The following DPM1 variants were observed in gnomAD, a reference collection of about 807,000 sequenced individuals.
DPM1 encodes the protein dolichol-phosphate mannosyltransferase subunit 1.
A neutral mutation model predicts 39.0 loss-of-function variants in DPM1; 27 were observed. The ratio of observed to expected loss-of-function variants is 0.69; its 90% CI spans 0.51 to 0.95. The LOEUF (loss-of-function observed/expected upper bound fraction) is 0.95. Among genes scored for constraint, DPM1 ranks in the 40% least tolerant of loss-of-function variants. The pLI is 0.00. For missense variants in DPM1, 307 were observed against 315.6 expected (o/e 0.97, Z 0.21); for synonymous variants, 124 against 109.0 (o/e 1.14, Z -0.86).
In DPM1 at chr20:50,942,129, G is replaced by A; in HGVS notation, c.399-3C>T. The A allele has an allele frequency of 6.2e-7, 1 of 1,612,286 alleles. No homozygotes were observed. The highest frequency in any genetic ancestry group is 8.5e-7 in the Non-Finnish European group (1 of 1,178,646). ...CAAAATTACCCTCCTTTTGCTTCCT[G>A]TAGAATAAATTAGCTGTCAATTAGA... On this transcript the variant is annotated splice_polypyrimidine_tract_variant and splice_region_variant and intron_variant, in intron 5 of 8. Coordinates refer to ENST00000371588, the MANE Select transcript of DPM1 (RefSeq NM_003859.3).
At chr20:50,954,383 G>T (rs889546421) in intron 2 of DPM1, among the ~76,000 whole-genome samples, 1 of 151,914 alleles carries the variant, frequency 6.6e-6, no homozygotes, top group Admixed American at 6.6e-5. Context: ...GTCCAGATGC[G>T]GTGCTGAACA....
intron 2 of DPM1, among the ~76,000 whole-genome samples, chr20:50,949,060 C>T (rs1271944522): frequency 2.6e-5 from 4 of 152,050 alleles, no homozygotes; most frequent in African/African-American, 4.8e-5. Context: ...AGGGTTCCAC[C>T]GTGTTAGCCA....
chr20:50,938,506 C>T (rs1001824279), intron 7 of DPM1, among the ~76,000 whole-genome samples: 1 of 151,516 alleles, frequency 6.6e-6, no homozygotes, highest in African/African-American at 2.4e-5. Context: ...CCTCACCCTC[C>T]CGAGTAGCTG....
At chr20:50,940,984 A>G in intron 6 of DPM1, 51 bp from the exon 7 acceptor site, 1 of 1,521,766 alleles carries the variant, frequency 6.6e-7, no homozygotes, top group Non-Finnish European at 9.1e-7. Context: ...TTTATAAACA[A>G]GAGAAACACA....
At chr20:50,943,517 G>A (rs1022922008) in intron 5 of DPM1, among the ~76,000 whole-genome samples, 1 of 151,524 alleles carries the variant, frequency 6.6e-6, no homozygotes, top group Admixed American at 6.6e-5. Flanking sequence ...GTGCCATCAT[G>A]CCCGGCTAAT....
At chr20:50,949,229 T>C (rs946829889) in intron 2 of DPM1, among the ~76,000 whole-genome samples, 4 of 152,212 alleles carry the variant, frequency 2.6e-5, no homozygotes, top group African/African-American at 9.7e-5. Flanking sequence ...TGTCACTCAC[T>C]CTATTTTAAA....
intron 1 of DPM1, 61 bp downstream of exon 1, chr20:50,958,302 A>G: frequency 1.3e-6 from 2 of 1,597,170 alleles, no homozygotes; most frequent in Non-Finnish European, 1.7e-6. Context: ...CCAGCTGCCG[A>G]CACCCGGGCC....
chr20:50,937,541 A>G (rs1213166686), intron 7 of DPM1, among the ~76,000 whole-genome samples: 1 of 152,064 alleles, frequency 6.6e-6, no homozygotes, highest in Non-Finnish European at 1.5e-5. Flanking sequence ...GGGAGGGAGC[A>G]CTGGGATTGT....
chr20:50,947,520 T>C (rs1568769047), intron 3 of DPM1, among the ~76,000 whole-genome samples: 1 of 152,386 alleles, frequency 6.6e-6, no homozygotes, highest in African/African-American at 2.4e-5. Flanking sequence ...CAGTTAAGCA[T>C]TGTGCTTTCT....
At chr20:50,939,101 A>C (rs1443830202) in intron 7 of DPM1, among the ~76,000 whole-genome samples, 1 of 152,168 alleles carries the variant, frequency 6.6e-6, no homozygotes, top group African/African-American at 2.4e-5. Flanking sequence ...CAGAACTCCC[A>C]GGCCATCCTT....
chr20:50,937,871 T>C (rs1009230551), intron 7 of DPM1, among the ~76,000 whole-genome samples: 1 of 152,112 alleles, frequency 6.6e-6, no homozygotes, highest in African/African-American at 2.4e-5. Flanking sequence ...AGACGGAGAC[T>C]CACTATGTTG....
At chr20:50,937,958 T>C (rs1026428200) in intron 7 of DPM1, among the ~76,000 whole-genome samples, 8 of 152,108 alleles carry the variant, frequency 5.3e-5, no homozygotes, top group Non-Finnish European at 8.8e-5. Context: ...GGATTATAGG[T>C]GTGAGCCACC....
rs1281034342 is a variant in DPM1 at position 50,934,956 on chromosome 20, G to A, written c.*176C>T. 3.7e-6 allele frequency: 2 copies of A among 536,644 alleles called. No individual in the cohort carries two copies. Among genetic ancestry groups the A allele is most frequent in the Admixed American group, 3.6e-5 (1 of 28,140 alleles). The allele number at this position is 536,644 out of a possible 1,614,324, so 33.2% of individuals were successfully genotyped here. ...ATTGAGAACATTGCTCATTAGGCCAGCAACTTTAAAATTATTTAATTTGAA... is the reference window on the plus strand; with the variant it reads ...ATTGAGAACATTGCTCATTAGGCCAACAACTTTAAAATTATTTAATTTGAA... On this transcript the variant is annotated 3_prime_UTR_variant, in exon 9 of 9. Coordinates refer to ENST00000371588, the MANE Select transcript of DPM1 (RefSeq NM_003859.3).
intron 5 of DPM1, among the ~76,000 whole-genome samples, chr20:50,942,527 G>A (rs1985932155): frequency 1.3e-5 from 2 of 151,866 alleles, no homozygotes; most frequent in South Asian, 2.1e-4. Flanking sequence ...AAATTAGTCG[G>A]GCACAGTGGC....
At chr20:50,945,176 A>C (rs1298763637) in intron 5 of DPM1, 2 of 154,340 alleles carry the variant, frequency 1.3e-5, no homozygotes, top group Admixed American at 6.4e-5. Context: ...TTTATCAGAG[A>C]AGCCATCTTC....
At chr20:50,937,115 G>C (rs1985241726) in intron 7 of DPM1, among the ~76,000 whole-genome samples, 1 of 151,530 alleles carries the variant, frequency 6.6e-6, no homozygotes, top group African/African-American at 2.4e-5. Context: ...TTTTTTTGTG[G>C]GGAGAGGGGA....
At chr20:50,943,740 ATTT>A (rs141377879) in intron 5 of DPM1, among the ~76,000 whole-genome samples, 13 of 125,860 alleles carry the variant, frequency 1.0e-4, no homozygotes, top group African/African-American at 2.0e-4. Flanking sequence ...AAGCCTGAGT[ATTT>A]TTTTTTTTTT....
At chr20:50,937,127 A>C (rs1199067598) in intron 7 of DPM1, among the ~76,000 whole-genome samples, 1 of 151,138 alleles carries the variant, frequency 6.6e-6, no homozygotes, top group African/African-American at 2.4e-5. Context: ...GAGAGGGGAG[A>C]AAGCAAGAAG....
chr20:50,937,840 TTA>T (rs1985347591), intron 7 of DPM1, among the ~76,000 whole-genome samples: 1 of 151,974 alleles, frequency 6.6e-6, no homozygotes, highest in African/African-American at 2.4e-5. Flanking sequence ...ATTATTATTT[TTA>T]TTTTTTTAGT....
Sources: allele counts gnomAD v4.1 joint callset (sites outside exome capture counted in the v4.1 genomes callset), GRCh38; gene constraint gnomAD v4.1.1; transcripts MANE v1.5; gene names NCBI Gene and HGNC (gene_info 2026-07-23, HGNC 2026-07-21).